Variants in SAMD12 observed in about 807,000 individuals in gnomAD.
SAMD12 encodes sterile alpha motif domain containing 12.
A neutral mutation model predicts 15.0 loss-of-function variants in SAMD12; 9 were observed. That is an observed-to-expected ratio of 0.60 (90% CI 0.36 to 1.05). The LOEUF (loss-of-function observed/expected upper bound fraction) is 1.05, where lower values mean the gene tolerates loss of function less well. SAMD12 is among the 50% of genes least tolerant of loss of function. SAMD12 has a pLI of 0.01. For missense variants in SAMD12, 230 were observed against 234.2 expected (o/e 0.98, Z 0.12); for synonymous variants, 86 against 90.1 (o/e 0.96, Z 0.25).
chr8:118,220,242 T>C (rs1284546686), intron 4 of SAMD12, among the ~76,000 whole-genome samples: 1 of 152,224 alleles, frequency 6.6e-6, no homozygotes, highest in Non-Finnish European at 1.5e-5. Flanking sequence ...TATTCAGGAA[T>C]GGACGTGGTG....
the SAMD12 span, among the ~76,000 whole-genome samples, chr8:118,164,839 A>T: frequency 6.6e-6 from 1 of 152,024 alleles, no homozygotes; most frequent in Non-Finnish European, 1.5e-5. Context: ...ACATATATAC[A>T]TACATATATA....
the SAMD12 span, among the ~76,000 whole-genome samples, chr8:118,149,238 A>C: frequency 6.6e-6 from 1 of 152,224 alleles, no homozygotes; most frequent in Admixed American, 6.5e-5. Flanking sequence ...AAATGCTGGG[A>C]TTACAGGCAT....
intron 4 of SAMD12, among the ~76,000 whole-genome samples, chr8:118,356,988 A>T (rs981149559): frequency 6.6e-6 from 1 of 152,064 alleles, no homozygotes; most frequent in South Asian, 2.1e-4. Context: ...TCACTTCTAC[A>T]TTTCTGCAAA....
chr8:118,458,646 A>AAGTCATTTGGGATTTCAG (rs1473674344), intron 2 of SAMD12, among the ~76,000 whole-genome samples: 5 of 152,154 alleles, frequency 3.3e-5, no homozygotes, highest in Non-Finnish European at 7.3e-5. Flanking sequence ...CTCATCAGCG[A>AAGTCATTTGGGATTTCAG]AGTCATTTGG....
intron 4 of SAMD12, among the ~76,000 whole-genome samples, chr8:118,297,028 G>C (rs960478822): frequency 8.5e-5 from 13 of 152,142 alleles, no homozygotes; most frequent in African/African-American, 3.1e-4. Flanking sequence ...GCATATTTAA[G>C]GTTGCATGGC....
the SAMD12 span, among the ~76,000 whole-genome samples, chr8:118,141,547 C>A: frequency 6.6e-6 from 1 of 152,176 alleles, no homozygotes; most frequent in Non-Finnish European, 1.5e-5. Flanking sequence ...AAGCTTCCTG[C>A]TAACAGTCTG....
rs141383325 is a variant in SAMD12 at position 118,466,509 on chromosome 8, G to A, written c.193-26548C>T. On this transcript the variant is annotated intron_variant, in intron 2 of 3. Coordinates refer to ENST00000314727, the MANE Select transcript of SAMD12 (RefSeq NM_207506.3). ...ATTCACCCTTATTCACTTCCTCCAT[G>A]TCCAGCCTATAGTAGGCATACCATA... Among the ~76,000 whole-genome samples, 1,499 of 152,200 alleles carry A rather than the reference G, an allele frequency of 9.8e-3. 29 individuals carry two copies. Among genetic ancestry groups the A allele is most frequent in the African/African-American group, 0.033 (1,374 of 41,516 alleles).
At chr8:118,551,356 C>G (rs886679392) in intron 2 of SAMD12, among the ~76,000 whole-genome samples, 1 of 152,008 alleles carries the variant, frequency 6.6e-6, no homozygotes, top group African/African-American at 2.4e-5. Context: ...CAAACTAGAA[C>G]TCAGGATTAA....
At chr8:118,342,890 C>T (rs2450322) in intron 4 of SAMD12, among the ~76,000 whole-genome samples, 26,957 of 152,140 alleles carry the variant, frequency 0.18, 2,696 homozygotes, top group Non-Finnish European at 0.24. Context: ...AGGATGGTGC[C>T]TCCTTTGAGG....
At chr8:118,475,396 C>T (rs1396994102) in intron 2 of SAMD12, among the ~76,000 whole-genome samples, 1 of 152,188 alleles carries the variant, frequency 6.6e-6, no homozygotes, top group African/African-American at 2.4e-5. Flanking sequence ...ATGCCAGGGC[C>T]ATCCTTCCTG....
chr8:118,419,297 A>T (rs1821881504), intron 3 of SAMD12, among the ~76,000 whole-genome samples: 1 of 152,042 alleles, frequency 6.6e-6, no homozygotes, highest in Admixed American at 6.6e-5. Context: ...TCGTTTTTTA[A>T]TATCTCTGAG....
intron 4 of SAMD12, among the ~76,000 whole-genome samples, chr8:118,204,001 A>G (rs1312109930): frequency 6.6e-6 from 1 of 152,066 alleles, no homozygotes; most frequent in East Asian, 1.9e-4. Flanking sequence ...AAAAACCAAC[A>G]TAAGTGTGCC....
At chr8:118,300,366 G>A (rs1166675977) in intron 4 of SAMD12, among the ~76,000 whole-genome samples, 1 of 151,880 alleles carries the variant, frequency 6.6e-6, no homozygotes, top group Non-Finnish European at 1.5e-5. Flanking sequence ...TTGTTTCTGT[G>A]AAATCCACTT....
At chr8:118,426,624 T>C (rs1443127883) in intron 3 of SAMD12, among the ~76,000 whole-genome samples, 4 of 152,320 alleles carry the variant, frequency 2.6e-5, no homozygotes, top group African/African-American at 9.6e-5. Context: ...CTGGTGACAA[T>C]TTCCACTCTT....
chr8:118,433,015 T>C (rs1177583002), intron 3 of SAMD12, among the ~76,000 whole-genome samples: 1 of 152,158 alleles, frequency 6.6e-6, no homozygotes, highest in Non-Finnish European at 1.5e-5. Flanking sequence ...AACTACACAG[T>C]AGGGATGTTA....
chr8:118,461,659 G>C (rs951150494), intron 2 of SAMD12, among the ~76,000 whole-genome samples: 1 of 152,056 alleles, frequency 6.6e-6, no homozygotes, highest in Non-Finnish European at 1.5e-5. Context: ...TACTTAATAA[G>C]TTTTAGCTAT....
intron 4 of SAMD12, among the ~76,000 whole-genome samples, chr8:118,327,437 T>C (rs921409824): frequency 7.9e-5 from 12 of 152,162 alleles, no homozygotes; most frequent in African/African-American, 1.7e-4. Flanking sequence ...CCCCATGCCA[T>C]AGATACCCTA....
At chr8:118,441,119 G>A (rs1045856534) in intron 2 of SAMD12, among the ~76,000 whole-genome samples, 2 of 152,052 alleles carry the variant, frequency 1.3e-5, no homozygotes, top group Admixed American at 6.6e-5. Context: ...TGTTGTTGTT[G>A]TTGTTGTTTC....
chr8:118,411,751 A>G (rs1821417973), intron 3 of SAMD12, among the ~76,000 whole-genome samples: 2 of 152,208 alleles, frequency 1.3e-5, no homozygotes, highest in South Asian at 4.1e-4. Context: ...GGTTAGATAC[A>G]GTATAAAAGA....
Sources: allele counts gnomAD v4.1 joint callset (sites outside exome capture counted in the v4.1 genomes callset), GRCh38; gene constraint gnomAD v4.1.1; transcripts MANE v1.5; gene names NCBI Gene and HGNC (gene_info 2026-07-23, HGNC 2026-07-21).